Variants in CACNA1H observed in about 807,000 individuals in gnomAD.
CACNA1H encodes calcium voltage-gated channel subunit alpha1 H.
Under a neutral mutation model 192.5 loss-of-function variants are expected in CACNA1H, and 149 were observed. The observed-to-expected ratio is 0.77, with a 90% CI of 0.68 to 0.89. The LOEUF (loss-of-function observed/expected upper bound fraction) is 0.89, where lower values mean the gene tolerates loss of function less well. Among genes scored for constraint, CACNA1H ranks in the 40% least tolerant of loss-of-function variants. The pLI is 0.00. For missense variants in CACNA1H, 4,257 were observed against 3,423.5 expected, an observed-to-expected ratio of 1.24 and a Z score of -6.08; for synonymous variants, 2,202 against 1,475.2, an observed-to-expected ratio of 1.49 and a Z score of -11.29.
intron 2 of CACNA1H, among the ~76,000 whole-genome samples, chr16:1,168,811 C>T (rs1204375783): frequency 2.0e-5 from 3 of 152,056 alleles, no homozygotes; most frequent in African/African-American, 7.2e-5. Flanking sequence ...GAGCCTGAGG[C>T]CCGAGGAGGG....
At chr16:1,159,211 G>A (rs962081376) in intron 2 of CACNA1H, among the ~76,000 whole-genome samples, 7 of 152,220 alleles carry the variant, frequency 4.6e-5, no homozygotes, top group African/African-American at 9.6e-5. Context: ...GGGGTAGAAC[G>A]AGGCTGGCCT....
In CACNA1H at chr16:1,195,099, C is replaced by A. The variant is rs199949385; in HGVS notation, c.411+16C>A. 1.2e-5 allele frequency: 11 copies of A among 880,346 alleles called. No homozygotes were observed. Among genetic ancestry groups the A allele is most frequent in the Non-Finnish European group, 1.5e-5 (10 of 685,110 alleles). The allele number at this position is 880,346 out of a possible 1,614,324, so 54.5% of individuals were successfully genotyped here. On this transcript the variant is annotated intron_variant, in intron 3 of 34. Coordinates refer to ENST00000348261, the MANE Select transcript of CACNA1H (RefSeq NM_021098.3). ...CATCCTGGAGGTGAGGGGCGTGGGT[C>A]GGGGTGGGGAAGGAGCGTGGGTCGC...
At chr16:1,156,700 A>C (rs1962450832) in intron 2 of CACNA1H, among the ~76,000 whole-genome samples, 1 of 152,104 alleles carries the variant, frequency 6.6e-6, no homozygotes, top group African/African-American at 2.4e-5. Context: ...ACCCACACTC[A>C]GTAAAGTGAC....
chr16:1,166,006 GTCC>G (rs1189969521), intron 2 of CACNA1H, among the ~76,000 whole-genome samples: 19 of 152,208 alleles, frequency 1.2e-4, no homozygotes, highest in Admixed American at 9.8e-4. Flanking sequence ...TCCCTTCTCG[GTCC>G]TCCTCGTCCT....
intron 4 of CACNA1H, 48 bp from the exon 5 acceptor site, chr16:1,195,878 A>C: frequency 7.1e-7 from 1 of 1,411,882 alleles, no homozygotes; most frequent in Non-Finnish European, 1.0e-6. Context: ...CCCACCCTGG[A>C]CCACCTGGGC....
At chr16:1,181,002 C>T (rs1360175105) in intron 2 of CACNA1H, among the ~76,000 whole-genome samples, 4 of 152,210 alleles carry the variant, frequency 2.6e-5, no homozygotes, top group Admixed American at 2.6e-4. Flanking sequence ...GGCCACGTTC[C>T]CATGGAGGGA....
chr16:1,198,526 A>G, intron 5 of CACNA1H, 89 bp from the exon 6 acceptor site: 1 of 1,439,812 alleles, frequency 6.9e-7, no homozygotes, highest in South Asian at 1.2e-5. Flanking sequence ...TGAACAGTGG[A>G]CGGGGCTCGG....
intron 6 of CACNA1H, among the ~76,000 whole-genome samples, chr16:1,199,658 C>G (rs1325028975): frequency 1.3e-5 from 2 of 148,376 alleles, no homozygotes; most frequent in African/African-American, 5.0e-5. Flanking sequence ...ACCCCGGGGT[C>G]CCCTCAACCC....
chr16:1,182,570 C>T (rs1047809918), intron 2 of CACNA1H, among the ~76,000 whole-genome samples: 2 of 152,184 alleles, frequency 1.3e-5, no homozygotes, highest in African/African-American at 2.4e-5. Context: ...GTGTGAGTCA[C>T]GCAAGTCCAG....
At chr16:1,165,426 C>T (rs574912777) in intron 2 of CACNA1H, among the ~76,000 whole-genome samples, 316 of 152,312 alleles carry the variant, frequency 2.1e-3, no homozygotes, top group Non-Finnish European at 3.2e-3. Flanking sequence ...AAATCTGGGT[C>T]ACTCAAATAA....
chr16:1,173,665 C>T (rs1964587432), intron 2 of CACNA1H, among the ~76,000 whole-genome samples: 1 of 152,222 alleles, frequency 6.6e-6, no homozygotes, highest in Non-Finnish European at 1.5e-5. Flanking sequence ...CTGGTGGAAG[C>T]ATCCGGGAAC....
chr16:1,186,311 C>G (rs141093423), intron 2 of CACNA1H, among the ~76,000 whole-genome samples: 8 of 152,106 alleles, frequency 5.3e-5, no homozygotes, highest in African/African-American at 1.9e-4. Flanking sequence ...TGTTCAGAAG[C>G]TGGGCCCAGG....
At chr16:1,185,635 G>A (rs1355225781) in intron 2 of CACNA1H, among the ~76,000 whole-genome samples, 9 of 143,132 alleles carry the variant, frequency 6.3e-5, no homozygotes, top group Non-Finnish European at 1.2e-4. Context: ...CGTGGGGGGC[G>A]GGCGAGTAGA....
At chr16:1,153,646 C>T in intron 1 of CACNA1H, 74 bp from the exon 2 acceptor site, 6 of 978,542 alleles carry the variant, frequency 6.1e-6, no homozygotes, top group Non-Finnish European at 7.7e-6. Context: ...CGCGGCTGTT[C>T]CCGCAGCTCC....
intron 10 of CACNA1H, among the ~76,000 whole-genome samples, chr16:1,204,805 G>T (rs1481940233): frequency 6.9e-6 from 1 of 145,838 alleles, no homozygotes; most frequent in Non-Finnish European, 1.5e-5. Context: ...TCAGTGCCGG[G>T]GAGGGGTGGG....
intron 9 of CACNA1H, among the ~76,000 whole-genome samples, 181 bp from the exon 10 acceptor site, chr16:1,203,829 C>T (rs1968308393): frequency 6.6e-6 from 1 of 152,232 alleles, no homozygotes; most frequent in African/African-American, 2.4e-5. Flanking sequence ...CATTGTAACC[C>T]ATGACACCTG....
intron 2 of CACNA1H, among the ~76,000 whole-genome samples, chr16:1,160,520 C>G (rs551652208): frequency 3.9e-5 from 6 of 152,292 alleles, no homozygotes. Context: ...TGGGCACCGT[C>G]CCCAGAGCAC....
At chr16:1,174,556 CGAAGG>C (rs1189642842) in intron 2 of CACNA1H, among the ~76,000 whole-genome samples, 1 of 152,042 alleles carries the variant, frequency 6.6e-6, no homozygotes, top group Non-Finnish European at 1.5e-5. Flanking sequence ...CTGTAGCTCT[CGAAGG>C]GAAGCCCCTG....
chr16:1,196,404 C>T (rs1332346181), intron 5 of CACNA1H, among the ~76,000 whole-genome samples: 1 of 152,216 alleles, frequency 6.6e-6, no homozygotes, highest in South Asian at 2.1e-4. Flanking sequence ...TGGAGACACT[C>T]TTGTGGGTGT....
Sources: allele counts gnomAD v4.1 joint callset (sites outside exome capture counted in the v4.1 genomes callset), GRCh38; gene constraint gnomAD v4.1.1; transcripts MANE v1.5; gene names NCBI Gene and HGNC (gene_info 2026-07-23, HGNC 2026-07-21).